The following DYM variants were observed in gnomAD, a reference collection of about 807,000 sequenced individuals.
The protein encoded by DYM is dymeclin.
A neutral mutation model predicts 93.1 loss-of-function variants in DYM; 78 were observed. That is an observed-to-expected ratio of 0.84 (90% confidence interval 0.70 to 1.01). DYM has a LOEUF of 1.01. DYM is among the 50% of genes least tolerant of loss of function. The probability of loss-of-function intolerance (pLI) is 0.00; values close to 1 mark genes in which losing one functional copy is unlikely to be tolerated. For synonymous variants in DYM, 321 were observed against 319.7 expected (o/e 1.00, Z -0.04); for missense variants, 789 against 845.0 (o/e 0.93, Z 0.82).
At chr18:49,169,193 A>G (rs2088319686) in intron 14 of DYM, among the ~76,000 whole-genome samples, 2 of 152,194 alleles carry the variant, frequency 1.3e-5, no homozygotes, top group Non-Finnish European at 2.9e-5. Context: ...GGACGTGCCT[A>G]AATAGACTGG....
At chr18:49,198,472 C>A (rs2091691025) in intron 14 of DYM, among the ~76,000 whole-genome samples, 2 of 152,020 alleles carry the variant, frequency 1.3e-5, no homozygotes, top group Non-Finnish European at 2.9e-5. Flanking sequence ...AAATTTTTGC[C>A]ATCTACCCAT....
At chr18:49,178,937 C>T (rs560555747) in intron 14 of DYM, among the ~76,000 whole-genome samples, 118 of 152,034 alleles carry the variant, frequency 7.8e-4, no homozygotes, top group African/African-American at 2.7e-3. Context: ...TCCTAAAACC[C>T]AGACATAAAT....
chr18:49,118,656 C>G (rs780421355), intron 16 of DYM, 88 bp downstream of exon 16: 2 of 1,223,014 alleles, frequency 1.6e-6, no homozygotes, highest in African/African-American at 1.5e-5. Flanking sequence ...GAAACTCTTA[C>G]TATTATAGTT....
At chr18:49,047,417 C>T (rs1329842686) in intron 17 of DYM, among the ~76,000 whole-genome samples, 1 of 152,224 alleles carries the variant, frequency 6.6e-6, no homozygotes, top group African/African-American at 2.4e-5. Context: ...GCTCTTTGGC[C>T]CAGTCTGGCT....
chr18:49,109,968 T>C (rs1345158916), intron 16 of DYM, among the ~76,000 whole-genome samples: 1 of 152,236 alleles, frequency 6.6e-6, no homozygotes, highest in Non-Finnish European at 1.5e-5. Context: ...TTATATGTTA[T>C]AAACCCCACA....
chr18:49,420,409 T>C (rs757722883), intron 2 of DYM, among the ~76,000 whole-genome samples: 30 of 152,170 alleles, frequency 2.0e-4, no homozygotes, highest in South Asian at 2.1e-4. Context: ...ATTCAGGTGA[T>C]CCACCTGCCT....
rs146649348 is a variant in DYM, at chr18:49,323,480, G to A, written c.763+8384C>T. Among the ~76,000 whole-genome samples the A allele has an allele frequency of 1.2e-3, 181 of 152,266 alleles. 6 individuals carry two copies. Among genetic ancestry groups the A allele is most frequent in the African/African-American group, 4.2e-3 (175 of 41,556 alleles). On this transcript the variant is annotated intron_variant, in intron 8 of 17. Transcript: ENST00000675505. Reference sequence around the variant, plus strand: ...TGAAGCCACAGGTCTCAATGTGAAGGGATTAGAAGGTGGAGCTTTGGAAGG... The same window carrying A: ...TGAAGCCACAGGTCTCAATGTGAAGAGATTAGAAGGTGGAGCTTTGGAAGG...
chr18:49,399,928 A>ATTTTTATTTTTT (rs1258036704), intron 2 of DYM, among the ~76,000 whole-genome samples: 2 of 94,250 alleles, frequency 2.1e-5, no homozygotes, highest in African/African-American at 4.0e-5. Context: ...ATTTATTTTT[A>ATTTTTATTTTTT]TTTTTCTTTT....
intron 17 of DYM, among the ~76,000 whole-genome samples, chr18:49,079,495 G>C (rs1427957538): frequency 3.3e-5 from 5 of 151,930 alleles, no homozygotes; most frequent in African/African-American, 4.8e-5. Context: ...GAGGGAAGGT[G>C]GGCAGATAAA....
chr18:49,301,413 C>T lies in DYM; in HGVS notation c.764-14797G>A, dbSNP rs570315245. Among the ~76,000 whole-genome samples, 6 of 151,014 alleles carry T rather than the reference C, an allele frequency of 4.0e-5. No individual in the cohort carries two copies. In the East Asian group the frequency reaches 7.9e-4, roughly 20 times the overall value. ...GTGGGCGCCTACAGTCCCAGCTACT[C>T]GGGAGGCTGAGACAGGAGAATGGCA... On this transcript the variant is annotated intron_variant, in intron 8 of 17. Coordinates refer to ENST00000675505, the MANE Select transcript of DYM (RefSeq NM_001353214.3).
At chr18:49,070,339 G>C (rs894734457) in intron 17 of DYM, among the ~76,000 whole-genome samples, 5 of 152,164 alleles carry the variant, frequency 3.3e-5, no homozygotes, top group African/African-American at 1.2e-4. Context: ...AGTTAGACCT[G>C]TCCTTGAGGT....
At chr18:49,317,596 TC>T (rs144920853) in intron 8 of DYM, among the ~76,000 whole-genome samples, 1,346 of 30,738 alleles carry the variant, frequency 0.044, 41 homozygotes, top group East Asian at 0.069. Flanking sequence ...TCTCTCTCTC[TC>T]CCCCCTCCCC....
At chr18:49,241,927 T>C (rs1314671753) in intron 13 of DYM, among the ~76,000 whole-genome samples, 1 of 152,220 alleles carries the variant, frequency 6.6e-6, no homozygotes, top group Admixed American at 6.5e-5. Flanking sequence ...ATGTACAAAT[T>C]CAGTTTCTAC....
intron 11 of DYM, 113 bp downstream of exon 11, chr18:49,272,065 T>A: frequency 1.2e-6 from 1 of 829,962 alleles, no homozygotes. Flanking sequence ...ACATTTCTAA[T>A]ACAGGTTCTC....
Position 49,054,462 on chromosome 18 carries a change from T to C in DYM, c.2026-10258A>G, listed in dbSNP as rs149655139. ...TTCACCATGTTGGCCAGGCTGGTCT[T>C]GAACTCCTGACCTCAGGTGATCTGC... On this transcript the variant is annotated intron_variant, in intron 17 of 17. Transcript: ENST00000675505. Among the ~76,000 whole-genome samples, 1,199 of 152,252 alleles carry C rather than the reference T, an allele frequency of 7.9e-3. 10 individuals are homozygous for C. Among genetic ancestry groups the C allele is most frequent in the Non-Finnish European group, 0.012 (803 of 68,012 alleles).
chr18:49,056,880 C>T (rs559774974), intron 17 of DYM, among the ~76,000 whole-genome samples: 7 of 152,278 alleles, frequency 4.6e-5, no homozygotes, highest in Non-Finnish European at 1.0e-4. Context: ...TTTGTAAAGA[C>T]ATGTTTTTGC....
chr18:49,055,475 GAGA>G (rs1162937812), intron 17 of DYM, among the ~76,000 whole-genome samples: 1 of 152,192 alleles, frequency 6.6e-6, no homozygotes, highest in Admixed American at 6.5e-5. Flanking sequence ...AGGAGGCTGG[GAGA>G]AGGAGAATAT....
chr18:49,329,629 G>A (rs956866798), intron 8 of DYM: 2 of 152,218 alleles, frequency 1.3e-5, no homozygotes, highest in Non-Finnish European at 2.9e-5. Context: ...CGCAGTTCCA[G>A]TACAAGGATT....
At chr18:49,104,781 G>A (rs968308573) in intron 16 of DYM, among the ~76,000 whole-genome samples, 2 of 152,184 alleles carry the variant, frequency 1.3e-5, no homozygotes, top group African/African-American at 2.4e-5. Context: ...TGGTGGATAA[G>A]GTTTTTGATG....
Sources: allele counts gnomAD v4.1 joint callset (sites outside exome capture counted in the v4.1 genomes callset), GRCh38; gene constraint gnomAD v4.1.1; transcripts MANE v1.5; gene names NCBI Gene and HGNC (gene_info 2026-07-23, HGNC 2026-07-21).